ROBO1: variants seen among roughly 807,000 people sequenced by gnomAD.
The protein encoded by ROBO1 is roundabout homolog 1.
A neutral mutation model predicts 195.9 loss-of-function variants in ROBO1; 149 were observed. That is an observed-to-expected ratio of 0.76 (90% confidence interval 0.67 to 0.87). ROBO1 has a LOEUF of 0.87. Ranked by LOEUF, ROBO1 falls within the 40% of genes least tolerant of loss-of-function variation. The probability of loss-of-function intolerance (pLI) is 0.00; values close to 1 mark genes in which losing one functional copy is unlikely to be tolerated. For synonymous variants in ROBO1, 816 were observed against 733.2 expected (o/e 1.11, Z -1.82); for missense variants, 1,933 against 2,068.3 (o/e 0.93, Z 1.27).
chr3:79,227,419 T>C (rs1576842066), intron 2 of ROBO1, among the ~76,000 whole-genome samples: 1 of 152,212 alleles, frequency 6.6e-6, no homozygotes, highest in Non-Finnish European at 1.5e-5. Context: ...CGGTCTTCCC[T>C]ACTGAGCTTC....
At chr3:79,504,944 G>T (rs1344805225) in intron 2 of ROBO1, among the ~76,000 whole-genome samples, 1 of 151,740 alleles carries the variant, frequency 6.6e-6, no homozygotes, top group African/African-American at 2.4e-5. Flanking sequence ...ATTCAATAAG[G>T]CAAATAGTTA....
chr3:79,517,172 C>T (rs1940985080), intron 2 of ROBO1, among the ~76,000 whole-genome samples: 1 of 152,176 alleles, frequency 6.6e-6, no homozygotes, highest in Admixed American at 6.5e-5. Flanking sequence ...GGTTATCACT[C>T]GTTCTCATTT....
intron 2 of ROBO1, among the ~76,000 whole-genome samples, chr3:79,503,509 C>G (rs1429635323): frequency 6.6e-6 from 1 of 152,194 alleles, no homozygotes; most frequent in African/African-American, 2.4e-5. Flanking sequence ...CCAGAAAACT[C>G]TTAGGGAAAT....
chr3:78,642,098 G>T (rs1042272865), intron 21 of ROBO1, among the ~76,000 whole-genome samples: 4 of 151,666 alleles, frequency 2.6e-5, no homozygotes, highest in Non-Finnish European at 5.9e-5. Flanking sequence ...TTATATATTC[G>T]AGCTTAAGAT....
chr3:79,156,587 A>G (rs2080862985), intron 2 of ROBO1, among the ~76,000 whole-genome samples: 1 of 151,854 alleles, frequency 6.6e-6, no homozygotes, highest in Non-Finnish European at 1.5e-5. Context: ...GGGGTAGACA[A>G]TTCATCTATC....
intron 4 of ROBO1, among the ~76,000 whole-genome samples, chr3:78,907,713 C>T (rs563070726): frequency 1.3e-5 from 2 of 152,088 alleles, no homozygotes; most frequent in South Asian, 4.1e-4. Flanking sequence ...GTATCCATGA[C>T]AAGTTTGACA....
chr3:79,518,056 G>T (rs1941029189), intron 2 of ROBO1, among the ~76,000 whole-genome samples: 3 of 152,192 alleles, frequency 2.0e-5, no homozygotes, highest in Admixed American at 6.5e-5. Flanking sequence ...TTGCATTGCT[G>T]TCTGAGTGGC....
chr3:79,129,326 T>C (rs998680922), intron 2 of ROBO1, among the ~76,000 whole-genome samples: 1 of 152,168 alleles, frequency 6.6e-6, no homozygotes, highest in African/African-American at 2.4e-5. Context: ...GATATGGCTT[T>C]ATATATTTTT....
chr3:78,841,595 G>A (rs1030092249), intron 4 of ROBO1, among the ~76,000 whole-genome samples: 1 of 151,958 alleles, frequency 6.6e-6, no homozygotes, highest in African/African-American at 2.4e-5. Flanking sequence ...CATAGGGAAG[G>A]CCTTTCTAAC....
intron 3 of ROBO1, among the ~76,000 whole-genome samples, chr3:79,053,416 C>T (rs779983225): frequency 1.2e-4 from 18 of 152,060 alleles, no homozygotes; most frequent in Non-Finnish European, 2.1e-4. Context: ...ATGGCCCTGA[C>T]TCAGACAGCC....
chr3:79,369,686 T>A (rs916636710), intron 2 of ROBO1, among the ~76,000 whole-genome samples: 1 of 152,138 alleles, frequency 6.6e-6, no homozygotes, highest in African/African-American at 2.4e-5. Context: ...TTCTTTTTTT[T>A]TTTTCTTTTG....
intron 4 of ROBO1, among the ~76,000 whole-genome samples, chr3:78,749,021 C>T (rs1182973275): frequency 6.6e-6 from 1 of 152,074 alleles, no homozygotes; most frequent in East Asian, 1.9e-4. Context: ...AAGACTTTCA[C>T]TATTTATAAA....
Position 79,550,195 on chromosome 3 carries a change from G to GAAAGAAAGAAAGAAAGGAAAA in ROBO1, c.88+39628_88+39629insTTTTCCTTTCTTTCTTTCTTT. Among the ~76,000 whole-genome samples the GAAAGAAAGAAAGAAAGGAAAA allele has an allele frequency of 1.1e-4, 11 of 100,812 alleles. 1 individual carries two copies. The highest frequency in any genetic ancestry group is 5.1e-4 in the African/African-American group (11 of 21,382). 66.1% of individuals were successfully genotyped at this position (100,812 alleles called of 152,430 possible). Reference sequence around the variant, plus strand: ...AGAAAGAAAGAAAGAAAGAAAGAAAGGAAAAGAAAAGAAAAGAAAAGAAAA... The same window carrying GAAAGAAAGAAAGAAAGGAAAA: ...AGAAAGAAAGAAAGAAAGAAAGAAAGAAAGAAAGAAAGAAAGGAAAAGAAAAGAAAAGAAAAGAAAAGAAAA... On this transcript the variant is annotated intron_variant, in intron 2 of 30. Transcript: ENST00000464233.
At chr3:79,225,954 C>T (rs2082220528) in intron 2 of ROBO1, among the ~76,000 whole-genome samples, 2 of 152,118 alleles carry the variant, frequency 1.3e-5, no homozygotes, top group Non-Finnish European at 2.9e-5. Flanking sequence ...CAGTCAAGCT[C>T]TCTCTCAGTC....
chr3:79,133,836 T>A (rs1317996403), intron 2 of ROBO1, among the ~76,000 whole-genome samples: 1 of 146,888 alleles, frequency 6.8e-6, no homozygotes, highest in African/African-American at 2.5e-5. Flanking sequence ...TGGTCTTTGA[T>A]GATGGTGATG....
intron 1 of ROBO1, among the ~76,000 whole-genome samples, chr3:79,671,276 T>C (rs1946624172): frequency 2.0e-5 from 3 of 151,936 alleles, no homozygotes; most frequent in East Asian, 1.9e-4. Context: ...TCAAAGAAAA[T>C]GTGGAAATTA....
chr3:79,557,583 A>C (rs2107695821), intron 2 of ROBO1, among the ~76,000 whole-genome samples: 1 of 151,640 alleles, frequency 6.6e-6, no homozygotes, highest in Admixed American at 6.6e-5. Flanking sequence ...AAAATGCAAA[A>C]ATTAGCCAGG....
intron 1 of ROBO1, among the ~76,000 whole-genome samples, chr3:79,750,545 G>T (rs1704090404): frequency 6.6e-6 from 1 of 152,172 alleles, no homozygotes; most frequent in South Asian, 2.1e-4. Context: ...CATGTAGTAG[G>T]AGGAATCCAG....
intron 2 of ROBO1, among the ~76,000 whole-genome samples, chr3:79,582,227 C>A (rs1009809675): frequency 6.6e-6 from 1 of 151,228 alleles, no homozygotes; most frequent in Admixed American, 6.6e-5. Context: ...TCTGTTATTC[C>A]TTTTTCATCT....
Sources: gnomAD v4.1 joint callset for allele counts (sites outside exome capture counted in the v4.1 genomes callset) on GRCh38, gnomAD v4.1.1 for gene constraint, MANE v1.5 for transcripts, NCBI Gene and HGNC (gene_info 2026-07-23, HGNC 2026-07-21) for gene names.